The following COG5 variants were observed in gnomAD, a reference collection of about 807,000 sequenced individuals.
COG5 encodes the protein conserved oligomeric Golgi complex subunit 5.
A neutral mutation model predicts 110.4 loss-of-function variants in COG5; 86 were observed. The observed-to-expected ratio is 0.78, with a 90% CI of 0.65 to 0.93. COG5 has a LOEUF of 0.93. COG5 is among the 40% of genes least tolerant of loss of function. The pLI is 0.00. For missense variants in COG5, 1,077 were observed against 987.0 expected (o/e 1.09, Z -1.22); for synonymous variants, 360 against 334.6 (o/e 1.08, Z -0.83).
intron 21 of COG5, among the ~76,000 whole-genome samples, chr7:107,206,917 G>A (rs1798825789): frequency 6.6e-6 from 1 of 152,154 alleles, no homozygotes; most frequent in Non-Finnish European, 1.5e-5. Flanking sequence ...CAGGCCAAGT[G>A]TTATGTAACA....
At chr7:107,498,146 T>G (rs562115917) in intron 6 of COG5, among the ~76,000 whole-genome samples, 1 of 152,188 alleles carries the variant, frequency 6.6e-6, no homozygotes, top group Non-Finnish European at 1.5e-5. Context: ...AATGGCTTAA[T>G]GATTTAGCCG....
intron 6 of COG5, among the ~76,000 whole-genome samples, chr7:107,428,514 G>A (rs1793799965): frequency 6.6e-6 from 1 of 152,100 alleles, no homozygotes; most frequent in Non-Finnish European, 1.5e-5. Context: ...AAAAGCTACA[G>A]GAGGCAAAGA....
At chr7:107,305,222 T>C (rs1437302716) in intron 11 of COG5, among the ~76,000 whole-genome samples, 1 of 152,138 alleles carries the variant, frequency 6.6e-6, no homozygotes, top group Non-Finnish European at 1.5e-5. Context: ...AGGCTGCTGG[T>C]CATATTTTAA....
At chr7:107,301,234 T>G (rs1489999260) in intron 11 of COG5, among the ~76,000 whole-genome samples, 1 of 152,130 alleles carries the variant, frequency 6.6e-6, no homozygotes, top group Non-Finnish European at 1.5e-5. Flanking sequence ...AAGAGTATGG[T>G]CTGCAAAAGA....
intron 7 of COG5, among the ~76,000 whole-genome samples, chr7:107,404,604 C>T (rs1197194040): frequency 1.3e-5 from 2 of 151,930 alleles, no homozygotes; most frequent in Non-Finnish European, 2.9e-5. Context: ...TAATAGAAAG[C>T]TTGTGAGACT....
At chr7:107,365,191 C>G (rs1813492762) in intron 8 of COG5, among the ~76,000 whole-genome samples, 1 of 152,028 alleles carries the variant, frequency 6.6e-6, no homozygotes, top group Non-Finnish European at 1.5e-5. Context: ...AAAATAGTCT[C>G]TTAAGTTTTA....
In COG5 at chr7:107,215,685, A is replaced by C. The variant is rs141943534; in HGVS notation, c.2169-4460T>G. 7.7e-3 allele frequency among the ~76,000 whole-genome samples: 1,168 copies of C among 152,000 alleles called. 5 individuals are homozygous for C. The highest frequency in any genetic ancestry group is 9.8e-3 in the Non-Finnish European group (666 of 67,960). ...GTCTCAAACAAACAAACAAACAAAC[A>C]AACCCAGCTATGTGCTGCCTACAAA... On this transcript the variant is annotated intron_variant, in intron 19 of 21. Coordinates refer to ENST00000297135, the MANE Select transcript of COG5 (RefSeq NM_006348.5).
intron 19 of COG5, among the ~76,000 whole-genome samples, chr7:107,221,934 G>T (rs1799958863): frequency 6.6e-6 from 1 of 152,232 alleles, no homozygotes; most frequent in African/African-American, 2.4e-5. Flanking sequence ...TAGTTTTATG[G>T]TTCGAATATT....
intron 5 of COG5, among the ~76,000 whole-genome samples, chr7:107,534,861 T>C (rs951891226): frequency 2.6e-5 from 4 of 151,604 alleles, no homozygotes; most frequent in African/African-American, 7.3e-5. Flanking sequence ...ATCAACAGAA[T>C]ATACATTCTT....
intron 7 of COG5, among the ~76,000 whole-genome samples, chr7:107,380,437 G>C (rs1338905360): frequency 6.6e-6 from 1 of 152,004 alleles, no homozygotes; most frequent in Non-Finnish European, 1.5e-5. Flanking sequence ...AAGAAGAAAA[G>C]AAAGAAGAAT....
chr7:107,449,959 G>A (rs141820608), intron 6 of COG5: 1 of 152,168 alleles, frequency 6.6e-6, no homozygotes, highest in Non-Finnish European at 1.5e-5. Flanking sequence ...GCAAAAAGAA[G>A]GTAAAGGATC....
At chr7:107,210,330 A>G (rs1393456789) in intron 21 of COG5, 196 bp downstream of exon 21, 1 of 1,431,456 alleles carries the variant, frequency 7.0e-7, no homozygotes, top group Non-Finnish European at 9.1e-7. Flanking sequence ...GAATGAAAGA[A>G]AGCAAAAGAT....
Position 107,453,285 on chromosome 7 carries a change from T to C in COG5, c.539-40653A>G, listed in dbSNP as rs3779497. On this transcript the variant is annotated intron_variant, in intron 6 of 21. Coordinates refer to ENST00000297135, the MANE Select transcript of COG5 (RefSeq NM_006348.5). ...TAGTACATTCAATAGATATAAACAA[T>C]AGGAATTTCAAGATTTTCCCAGTTT... is the stretch of plus-strand genomic sequence containing the variant. Among the ~76,000 whole-genome samples, 755 of 152,236 alleles carry C rather than the reference T, an allele frequency of 5.0e-3. 45 individuals are homozygous for C. In the East Asian group the frequency reaches 0.13, roughly 25 times the overall value.
chr7:107,210,956 A>AT (rs1220559551), intron 20 of COG5, 143 bp downstream of exon 20: 1 of 1,026,940 alleles, frequency 9.7e-7, no homozygotes, highest in Non-Finnish European at 1.5e-6. Context: ...TCCTTTTCTA[A>AT]TATCTATTCA....
At chr7:107,355,065 T>C (rs1477404400) in intron 10 of COG5, among the ~76,000 whole-genome samples, 2 of 152,214 alleles carry the variant, frequency 1.3e-5, no homozygotes, top group African/African-American at 4.8e-5. Flanking sequence ...GACTATAAAA[T>C]ATAACACATA....
intron 6 of COG5, among the ~76,000 whole-genome samples, chr7:107,463,837 C>T (rs565867664): frequency 2.6e-4 from 39 of 152,214 alleles, no homozygotes; most frequent in African/African-American, 8.7e-4. Context: ...TCCAGGGTGA[C>T]GCTGTGCTCC....
chr7:107,481,769 C>T (rs1563059362), intron 6 of COG5, among the ~76,000 whole-genome samples: 2 of 152,222 alleles, frequency 1.3e-5, no homozygotes, highest in East Asian at 3.9e-4. Flanking sequence ...TTCTTATAAA[C>T]AACAAAATGC....
chr7:107,204,965 T>G (rs1798653186), intron 21 of COG5, among the ~76,000 whole-genome samples: 1 of 152,214 alleles, frequency 6.6e-6, no homozygotes, highest in African/African-American at 2.4e-5. Flanking sequence ...TTTCCCCTCC[T>G]ACACCGAAAC....
In COG5 at chr7:107,362,108, T is replaced by C; in HGVS notation, c.951A>G (p.Val317=). Residue 317 remains valine (V), a splice_region_variant and synonymous_variant, in exon 10 of 22, where the codon GTA becomes GTG. Transcript: ENST00000297135. ...TGGCCAATACTTTTTGTAGATGTTG[T>C]ACCTTAAATGAAACAAATGTAAAGC... ...MDHIYAVCGQ[V]QHLQKVLAKK... The C allele has an allele frequency of 1.9e-6, 3 of 1,603,606 alleles. No homozygotes were observed. The highest frequency in any genetic ancestry group is 2.6e-6 in the Non-Finnish European group (3 of 1,171,958).
Sources: gnomAD v4.1 joint callset for allele counts (sites outside exome capture counted in the v4.1 genomes callset) on GRCh38, gnomAD v4.1.1 for gene constraint, MANE v1.5 for transcripts, NCBI Gene and HGNC (gene_info 2026-07-23, HGNC 2026-07-21) for gene names.